The following PSD3 variants were observed in gnomAD, a reference collection of about 807,000 sequenced individuals.
The protein encoded by PSD3 is PH and SEC7 domain-containing protein 3.
A neutral mutation model predicts 105.5 loss-of-function variants in PSD3; 49 were observed. That is an observed-to-expected ratio of 0.46 (90% CI 0.37 to 0.59). The LOEUF is 0.59. Ranked by LOEUF, PSD3 falls within the 20% of genes least tolerant of loss-of-function variation. PSD3 has a pLI of 0.00. For missense variants in PSD3, 1,561 were observed against 1,263.8 expected (o/e 1.24, Z -3.57); for synonymous variants, 557 against 457.8 (o/e 1.22, Z -2.77).
At position 18,625,445 on chromosome 8, in the gene PSD3, G is replaced by A. The variant is rs375271370; in HGVS notation, c.2410+7168C>T. On this transcript the variant is annotated intron_variant, in intron 11 of 15. Transcript: ENST00000327040. ...GTTTGGTATAAGGCTACAGGGAGCT[G>A]TGAAAACTATGGTCAACCAGAAAAT... Among the ~76,000 whole-genome samples the A allele has an allele frequency of 2.4e-3, 358 of 152,194 alleles. 1 individual carries two copies. Among genetic ancestry groups the A allele is most frequent in the African/African-American group, 8.4e-3 (349 of 41,534 alleles).
intron 12 of PSD3, among the ~76,000 whole-genome samples, chr8:18,594,543 C>G (rs1399467319): frequency 6.8e-6 from 1 of 146,378 alleles, no homozygotes. Flanking sequence ...ACTTGCCTTA[C>G]AAGAAAGGCT....
intron 9 of PSD3, among the ~76,000 whole-genome samples, chr8:18,686,100 T>TA (rs1800648566): frequency 6.6e-6 from 1 of 152,142 alleles, no homozygotes; most frequent in Non-Finnish European, 1.5e-5. Flanking sequence ...TGGAATCTGA[T>TA]ACATGTCATT....
At chr8:18,893,624 G>A (rs1192990866) in intron 2 of PSD3, among the ~76,000 whole-genome samples, 3 of 151,964 alleles carry the variant, frequency 2.0e-5, no homozygotes, top group Non-Finnish European at 4.4e-5. Flanking sequence ...CTAGAGGGCA[G>A]GGAAGCAGGA....
intron 15 of PSD3, 70 bp from the exon 16 acceptor site, chr8:18,536,028 G>A (rs1230425784): frequency 2.1e-6 from 3 of 1,421,302 alleles, no homozygotes; most frequent in Non-Finnish European, 2.9e-6. Context: ...GCACACTTGT[G>A]TATTACCCAC....
At chr8:18,802,098 T>C (rs554662922) in intron 6 of PSD3, among the ~76,000 whole-genome samples, 25 of 152,352 alleles carry the variant, frequency 1.6e-4, no homozygotes, top group African/African-American at 5.8e-4. Context: ...ATGGATTGCA[T>C]TGCTTTGTGC....
chr8:18,992,763 T>C (rs1316376018), intron 1 of PSD3, among the ~76,000 whole-genome samples: 1 of 152,094 alleles, frequency 6.6e-6, no homozygotes, highest in Non-Finnish European at 1.5e-5. Flanking sequence ...AGTAGTGGAC[T>C]TGAAGTCAAC....
At position 18,757,532 on chromosome 8, in the gene PSD3, C is replaced by G. The variant is rs1052013481; in HGVS notation, c.2172+7917G>C. 3.9e-5 allele frequency among the ~76,000 whole-genome samples: 6 copies of G among 152,114 alleles called. No individual in the cohort carries two copies. In the East Asian group the frequency reaches 7.7e-4, roughly 20 times the overall value. The stretch of plus-strand genomic sequence containing the variant: ...GATTCTACTCTTTGTTTCTTTTCTA[C>G]TTCGTTCAGGTAAGGGACAAAGGGG... On this transcript the variant is annotated intron_variant, in intron 9 of 15. Transcript: ENST00000327040.
chr8:18,683,694 A>AT, intron 9 of PSD3: 1 of 721,570 alleles, frequency 1.4e-6, no homozygotes, highest in Non-Finnish European at 2.5e-6. Flanking sequence ...ATCACTGCAC[A>AT]TTAGACACTG....
intron 4 of PSD3, among the ~76,000 whole-genome samples, chr8:18,827,831 A>T (rs1813324667): frequency 6.6e-6 from 1 of 151,644 alleles, no homozygotes; most frequent in Non-Finnish European, 1.5e-5. Flanking sequence ...GGTAGACTTC[A>T]AGGTTTCTGA....
intron 6 of PSD3, chr8:18,803,142 C>T: frequency 4.6e-6 from 1 of 217,970 alleles, no homozygotes; most frequent in Non-Finnish European, 9.7e-6. Context: ...AAATAATTAG[C>T]CAGGTGTGGT....
At chr8:18,574,002 C>T (rs1200347820) in intron 13 of PSD3, among the ~76,000 whole-genome samples, 2 of 152,176 alleles carry the variant, frequency 1.3e-5, no homozygotes, top group Non-Finnish European at 2.9e-5. Context: ...TGAAAATCAT[C>T]TGATGTGATC....
At chr8:18,551,882 A>G (rs1375808111) in intron 15 of PSD3, among the ~76,000 whole-genome samples, 3 of 152,192 alleles carry the variant, frequency 2.0e-5, no homozygotes, top group Admixed American at 1.3e-4. Context: ...CTTAATACAT[A>G]TAAAACTGGC....
At chr8:18,605,431 A>G (rs1431429116) in intron 11 of PSD3, among the ~76,000 whole-genome samples, 2 of 151,868 alleles carry the variant, frequency 1.3e-5, no homozygotes, top group African/African-American at 4.8e-5. Flanking sequence ...CAATCCCTGT[A>G]TCCCCATTGT....
chr8:18,960,685 C>A (rs1823857702), intron 1 of PSD3, among the ~76,000 whole-genome samples: 3 of 152,050 alleles, frequency 2.0e-5, no homozygotes. Flanking sequence ...TAGATCCTAA[C>A]TGAAAAGAAT....
chr8:18,983,806 C>A (rs1178902691), intron 1 of PSD3, among the ~76,000 whole-genome samples: 1 of 151,176 alleles, frequency 6.6e-6, no homozygotes, highest in Non-Finnish European at 1.5e-5. Context: ...GGAGACTAGC[C>A]AGGGCAACAT....
At chr8:18,964,536 T>C (rs1257167756) in intron 1 of PSD3, among the ~76,000 whole-genome samples, 3 of 152,116 alleles carry the variant, frequency 2.0e-5, no homozygotes, top group Admixed American at 6.6e-5. Context: ...TCAAAGATTG[T>C]GTTGCCTCAG....
At chr8:18,762,727 A>G (rs1010938698) in intron 9 of PSD3, among the ~76,000 whole-genome samples, 2 of 152,242 alleles carry the variant, frequency 1.3e-5, no homozygotes, top group Admixed American at 6.5e-5. Flanking sequence ...TATCCCTTCA[A>G]TACAGTATAA....
intron 9 of PSD3, among the ~76,000 whole-genome samples, chr8:18,680,186 T>C (rs183545909): frequency 4.1e-4 from 63 of 152,312 alleles, no homozygotes; most frequent in Admixed American, 1.4e-3. Flanking sequence ...AGAGGAGGAC[T>C]GTGGAAATGT....
intron 1 of PSD3, among the ~76,000 whole-genome samples, chr8:19,042,101 AC>A (rs1828144201): frequency 6.6e-6 from 1 of 152,234 alleles, no homozygotes; most frequent in Admixed American, 6.5e-5. Flanking sequence ...TGGGAACAAA[AC>A]AAAACTGATG....
Sources: allele counts gnomAD v4.1 joint callset (sites outside exome capture counted in the v4.1 genomes callset), GRCh38; gene constraint gnomAD v4.1.1; transcripts MANE v1.5; gene names NCBI Gene and HGNC (gene_info 2026-07-23, HGNC 2026-07-21).